Variants in PRKAG2 observed in about 807,000 individuals in gnomAD.
The protein encoded by PRKAG2 is protein kinase AMP-activated non-catalytic subunit gamma 2.
Under a neutral mutation model 69.6 loss-of-function variants are expected in PRKAG2, and 26 were observed. The ratio of observed to expected loss-of-function variants is 0.37; its 90% CI spans 0.27 to 0.52. The LOEUF (loss-of-function observed/expected upper bound fraction) is 0.52. Among genes scored for constraint, PRKAG2 ranks in the 20% least tolerant of loss-of-function variants. The pLI is 0.90. For missense variants in PRKAG2, 557 were observed against 740.0 expected (o/e 0.75, Z 2.87); for synonymous variants, 293 against 285.0 (o/e 1.03, Z -0.28).
chr7:151,656,512 C>T (rs531879031), intron 4 of PRKAG2, among the ~76,000 whole-genome samples: 21 of 152,268 alleles, frequency 1.4e-4, no homozygotes, highest in African/African-American at 2.6e-4. Flanking sequence ...GCCAAGACTG[C>T]GCCATTGCCC....
At chr7:151,656,517 T>C (rs79134156) in intron 4 of PRKAG2, among the ~76,000 whole-genome samples, 1,599 of 152,254 alleles carry the variant, frequency 0.011, 32 homozygotes, top group East Asian at 0.021. Context: ...GACTGCGCCA[T>C]TGCCCTCAAG....
intron 3 of PRKAG2, among the ~76,000 whole-genome samples, chr7:151,774,018 T>C (rs2076211766): frequency 6.6e-6 from 1 of 152,112 alleles, no homozygotes; most frequent in Non-Finnish European, 1.5e-5. Context: ...CACGCCAGAT[T>C]TTGTCCCGGG....
At chr7:151,593,274 G>A (rs988935140) in intron 6 of PRKAG2, among the ~76,000 whole-genome samples, 3 of 152,150 alleles carry the variant, frequency 2.0e-5, no homozygotes, top group South Asian at 4.1e-4. Flanking sequence ...TGCAGCCTCC[G>A]CCTCCTGGGT....
intron 3 of PRKAG2, among the ~76,000 whole-genome samples, chr7:151,711,571 G>A (rs1042385942): frequency 6.6e-6 from 1 of 152,172 alleles, no homozygotes; most frequent in African/African-American, 2.4e-5. Context: ...ATTCAAATAG[G>A]TTAATATATT....
intron 3 of PRKAG2, among the ~76,000 whole-genome samples, chr7:151,732,568 C>T (rs1186789872): frequency 6.6e-6 from 1 of 152,214 alleles, no homozygotes. Flanking sequence ...CGTTTTCCAG[C>T]TATCGCAGAG....
chr7:151,805,533 A>G (rs1433167244), intron 1 of PRKAG2, among the ~76,000 whole-genome samples: 1 of 152,166 alleles, frequency 6.6e-6, no homozygotes, highest in African/African-American at 2.4e-5. Context: ...TGACTATGTA[A>G]CCCTGGGAAA....
At chr7:151,579,357 T>C (rs1809805791) in intron 6 of PRKAG2, among the ~76,000 whole-genome samples, 2 of 152,224 alleles carry the variant, frequency 1.3e-5, no homozygotes, top group Non-Finnish European at 2.9e-5. Flanking sequence ...TGCTTACTGT[T>C]TTCTTCAAAA....
intron 3 of PRKAG2, among the ~76,000 whole-genome samples, chr7:151,689,854 G>A (rs1031294233): frequency 2.3e-4 from 35 of 152,130 alleles, no homozygotes; most frequent in African/African-American, 6.8e-4. Context: ...CCCAGAGCTC[G>A]TTTCCATGGT....
chr7:151,597,369 A>C (rs1585125022), intron 5 of PRKAG2, among the ~76,000 whole-genome samples: 1 of 152,362 alleles, frequency 6.6e-6, no homozygotes, highest in East Asian at 1.9e-4. Context: ...GTCTGGGCAA[A>C]TATTTTATGG....
At chr7:151,689,420 G>A (rs1158714523) in intron 3 of PRKAG2, among the ~76,000 whole-genome samples, 1 of 152,196 alleles carries the variant, frequency 6.6e-6, no homozygotes, top group East Asian at 1.9e-4. Flanking sequence ...CCATTTCCAG[G>A]TGTACAGCTC....
chr7:151,686,197 G>C (rs988554015), intron 3 of PRKAG2, among the ~76,000 whole-genome samples: 1 of 152,186 alleles, frequency 6.6e-6, no homozygotes, highest in South Asian at 2.1e-4. Flanking sequence ...GATCCTGACC[G>C]ATGGGGCCAG....
chr7:151,831,452 C>T (rs145687286), intron 1 of PRKAG2, among the ~76,000 whole-genome samples: 280 of 152,124 alleles, frequency 1.8e-3, no homozygotes, highest in African/African-American at 6.4e-3. Context: ...AAAAATATTT[C>T]GTTACGTGAA....
chr7:151,845,851 T>G (rs2079418400), intron 1 of PRKAG2, among the ~76,000 whole-genome samples: 1 of 152,198 alleles, frequency 6.6e-6, no homozygotes, highest in Admixed American at 6.5e-5. Flanking sequence ...TTCTTGCCAT[T>G]AGCCCCAGAG....
At chr7:151,864,650 A>G (rs2080017410) in intron 1 of PRKAG2, among the ~76,000 whole-genome samples, 1 of 152,096 alleles carries the variant, frequency 6.6e-6, no homozygotes, top group Non-Finnish European at 1.5e-5. Context: ...GAGACAAGCG[A>G]CCTCTCTGTT....
rs55685618 is a variant in PRKAG2 at position 151,827,745 on chromosome 7, T to TAA, written c.115-41206_115-41205dup. ...AGGAATTTCTTGAGGTGGCCTTAGG[T>TAA]AAAAAAAAAAAAAAAAAAAAAAAAA... On this transcript the variant is annotated intron_variant, in intron 1 of 15. Coordinates refer to ENST00000287878, the MANE Select transcript of PRKAG2 (RefSeq NM_016203.4). Among the ~76,000 whole-genome samples, 51 of 52,258 alleles carry TAA rather than the reference T, an allele frequency of 9.8e-4. 4 individuals are homozygous for TAA. The highest frequency in any genetic ancestry group is 2.5e-3 in the African/African-American group (32 of 12,704). 34.3% of individuals were successfully genotyped at this position (52,258 alleles called of 152,430 possible). A position where few individuals can be genotyped will look rare whatever the true frequency, so the allele number is the denominator to read the frequency against.
intron 5 of PRKAG2, among the ~76,000 whole-genome samples, chr7:151,620,485 G>GT (rs200948394): frequency 0.011 from 1,677 of 146,294 alleles, 27 homozygotes; most frequent in African/African-American, 0.035. Context: ...TTTTTGTTTT[G>GT]TTTTTTTTTT....
chr7:151,794,469 C>T (rs1435708386), intron 1 of PRKAG2, among the ~76,000 whole-genome samples: 3 of 152,388 alleles, frequency 2.0e-5, no homozygotes, highest in Non-Finnish European at 4.4e-5. Context: ...CAGAGGACGT[C>T]ATCAAAGGCC....
intron 1 of PRKAG2, among the ~76,000 whole-genome samples, chr7:151,812,880 C>G (rs11773011): frequency 0.36 from 54,747 of 151,644 alleles, 10,190 homozygotes; most frequent in South Asian, 0.56. Flanking sequence ...AACCACTGAA[C>G]CCTCAGTTTC....
At chr7:151,619,890 G>A (rs574042718) in intron 5 of PRKAG2, among the ~76,000 whole-genome samples, 114 of 152,172 alleles carry the variant, frequency 7.5e-4, no homozygotes, top group Middle Eastern at 6.8e-3. Context: ...GCATGGTGGC[G>A]CATGCCTGTA....
Sources: gnomAD v4.1 joint callset for allele counts (sites outside exome capture counted in the v4.1 genomes callset) on GRCh38, gnomAD v4.1.1 for gene constraint, MANE v1.5 for transcripts, NCBI Gene and HGNC (gene_info 2026-07-23, HGNC 2026-07-21) for gene names.